SIK3: variants seen among roughly 807,000 people sequenced by gnomAD.
The protein encoded by SIK3 is serine/threonine-protein kinase SIK3.
Under a neutral mutation model 144.2 loss-of-function variants are expected in SIK3, and 28 were observed. The ratio of observed to expected loss-of-function variants is 0.19; its 90% CI spans 0.14 to 0.27. SIK3 has a LOEUF of 0.27. Ranked by LOEUF, SIK3 falls within the 10% of genes least tolerant of loss-of-function variation. The pLI is 1.00. For missense variants in SIK3, 1,319 were observed against 1,776.0 expected (o/e 0.74, Z 4.62); for synonymous variants, 686 against 676.3 (o/e 1.01, Z -0.22).
intron 1 of SIK3, among the ~76,000 whole-genome samples, chr11:116,971,963 CTG>C (rs1004091760): frequency 1.3e-5 from 2 of 152,038 alleles, no homozygotes; most frequent in African/African-American, 4.8e-5. Flanking sequence ...TGGCACGCGC[CTG>C]TAATCCCAGC....
chr11:117,042,336 G>A (rs1364585462), intron 1 of SIK3, among the ~76,000 whole-genome samples: 2 of 152,142 alleles, frequency 1.3e-5, no homozygotes, highest in Non-Finnish European at 2.9e-5. Flanking sequence ...TGTGAAATAC[G>A]CTAGTAAACG....
At chr11:117,085,010 A>C (rs1954944240) in intron 1 of SIK3, among the ~76,000 whole-genome samples, 1 of 147,738 alleles carries the variant, frequency 6.8e-6, no homozygotes, top group Non-Finnish European at 1.5e-5. Context: ...ACAAACATTA[A>C]TATTTAATAT....
At chr11:116,947,642 T>C (rs1343759579) in intron 3 of SIK3, among the ~76,000 whole-genome samples, 1 of 150,980 alleles carries the variant, frequency 6.6e-6, no homozygotes, top group Non-Finnish European at 1.5e-5. Context: ...CTCGGCTCAC[T>C]GCAAGTTCCG....
intron 1 of SIK3, among the ~76,000 whole-genome samples, chr11:117,064,273 T>G (rs1591637747): frequency 6.6e-6 from 1 of 152,316 alleles, no homozygotes; most frequent in East Asian, 1.9e-4. Context: ...TATAGTAGAC[T>G]TCATTAACAC....
intron 1 of SIK3, among the ~76,000 whole-genome samples, chr11:117,026,310 T>C (rs1386031294): frequency 6.6e-6 from 1 of 152,164 alleles, no homozygotes; most frequent in East Asian, 1.9e-4. Flanking sequence ...CTATACCATC[T>C]AGGTCTGTGT....
chr11:116,897,812 GGC>G (rs1388625955), intron 4 of SIK3, among the ~76,000 whole-genome samples: 2 of 152,030 alleles, frequency 1.3e-5, no homozygotes, highest in Non-Finnish European at 2.9e-5. Flanking sequence ...GAACCTGGGA[GGC>G]AGAGATTACA....
In SIK3 at chr11:117,035,967, T is replaced by C. The variant is rs929868124; in HGVS notation, c.273+62176A>G. 5.7e-6 allele frequency: 9 copies of C among 1,576,562 alleles called. No homozygotes were observed. In the African/African-American group the frequency reaches 8.1e-5, roughly 14 times the overall value. On this transcript the variant is annotated intron_variant, in intron 1 of 24. Transcript: ENST00000445177. The stretch of plus-strand genomic sequence containing the variant: ...CATTTCACATCCATGAAGCAGGAAT[T>C]GGGGCTCTGCACCAGGCGTTTCTTC...
At chr11:117,061,408 C>T (rs910682319) in intron 1 of SIK3, among the ~76,000 whole-genome samples, 4 of 152,174 alleles carry the variant, frequency 2.6e-5, no homozygotes. Context: ...TGCTTGGGCT[C>T]AGTCTGGCTC....
Position 116,896,350 on chromosome 11 carries a change from A to G in SIK3, c.768T>C (p.Leu256=). The change falls in exon 6 of 25, where the codon CTT becomes CTC. Residue 256 remains leucine, a synonymous_variant. Transcript: ENST00000445177. ...IWSLGVVLYV[L]VCGALPFDGS... is the part of the protein sequence containing the mutation. ...CATCAAATGGCAGGGCACCGCACAC[A>G]AGCACGTAGAGGACAACTCCAAGGC... 13 of 1,614,024 alleles carry G rather than the reference A, an allele frequency of 8.1e-6. No individual in the cohort carries two copies. The highest frequency in any genetic ancestry group is 1.1e-5 in the Non-Finnish European group (13 of 1,179,910).
intron 1 of SIK3, among the ~76,000 whole-genome samples, chr11:117,053,315 C>T (rs1331087380): frequency 6.9e-6 from 1 of 145,790 alleles, no homozygotes; most frequent in Non-Finnish European, 1.5e-5. Context: ...CCAGCCTGGG[C>T]AACAGAGCAA....
At chr11:116,869,726 C>A (rs1256995427) in intron 14 of SIK3, 1 of 219,308 alleles carries the variant, frequency 4.6e-6, no homozygotes, top group Non-Finnish European at 9.2e-6. Context: ...AACAGTACAG[C>A]ATGCCTGATG....
At chr11:116,852,440 G>T (rs759300518) in intron 21 of SIK3, among the ~76,000 whole-genome samples, 3 of 152,204 alleles carry the variant, frequency 2.0e-5, no homozygotes, top group Non-Finnish European at 4.4e-5. Flanking sequence ...TGAGCACAAG[G>T]GTCATGAGCA....
chr11:117,011,300 C>A (rs532054298), intron 1 of SIK3, among the ~76,000 whole-genome samples: 6 of 152,120 alleles, frequency 3.9e-5, no homozygotes, highest in Non-Finnish European at 7.4e-5. Flanking sequence ...TCAAGCTAAA[C>A]CACAGCGGAG....
chr11:117,029,058 G>A (rs367748744), intron 1 of SIK3, among the ~76,000 whole-genome samples: 4 of 152,118 alleles, frequency 2.6e-5, no homozygotes, highest in Middle Eastern at 3.4e-3. Context: ...ACAGGCACCC[G>A]CCACTACGCC....
chr11:116,974,072 G>C (rs1452794771), intron 1 of SIK3, among the ~76,000 whole-genome samples: 1 of 152,192 alleles, frequency 6.6e-6, no homozygotes, highest in Non-Finnish European at 1.5e-5. Context: ...TCATATTACT[G>C]TAAGATAATA....
At chr11:116,946,476 G>A (rs1207311051) in intron 3 of SIK3, among the ~76,000 whole-genome samples, 3 of 152,134 alleles carry the variant, frequency 2.0e-5, no homozygotes, top group Non-Finnish European at 2.9e-5. Context: ...ACACACAGTC[G>A]GGTCCATTAT....
intron 2 of SIK3, 148 bp downstream of exon 2, chr11:116,956,800 C>A (rs149004144): frequency 6.1e-6 from 3 of 489,424 alleles, no homozygotes; most frequent in Non-Finnish European, 1.1e-5. Flanking sequence ...GTGCTGAGCG[C>A]GTAAACAGAA....
chr11:116,944,958 C>CT (rs1254340878), intron 3 of SIK3, among the ~76,000 whole-genome samples: 1 of 148,714 alleles, frequency 6.7e-6, no homozygotes, highest in Admixed American at 6.6e-5. Context: ...AGCTACATTT[C>CT]TTTTTTCTTT....
chr11:117,001,396 C>T (rs973563653), intron 1 of SIK3, among the ~76,000 whole-genome samples: 3 of 152,064 alleles, frequency 2.0e-5, no homozygotes, highest in Non-Finnish European at 2.9e-5. Context: ...TTCCCAGCTA[C>T]TTGGGAGGTT....
Sources: allele counts gnomAD v4.1 joint callset (sites outside exome capture counted in the v4.1 genomes callset), GRCh38; gene constraint gnomAD v4.1.1; transcripts MANE v1.5; gene names NCBI Gene and HGNC (gene_info 2026-07-23, HGNC 2026-07-21).